Variants in MAGI1 observed in about 807,000 individuals in gnomAD.
MAGI1 encodes membrane-associated guanylate kinase, WW and PDZ domain-containing protein 1.
A neutral mutation model predicts 139.9 loss-of-function variants in MAGI1; 58 were observed. The observed-to-expected ratio is 0.41, with a 90% confidence interval of 0.34 to 0.52. MAGI1 has a LOEUF of 0.52. MAGI1 is among the 20% of genes least tolerant of loss of function. The probability of loss-of-function intolerance (pLI) is 0.12; values close to 1 mark genes in which losing one functional copy is unlikely to be tolerated. For synonymous variants in MAGI1, 812 were observed against 737.9 expected, an observed-to-expected ratio of 1.10 and a Z score of -1.63; for missense variants, 1,874 against 1,901.6, an observed-to-expected ratio of 0.99 and a Z score of 0.27.
At chr3:65,559,189 T>C (rs1248888541) in intron 2 of MAGI1, among the ~76,000 whole-genome samples, 2 of 152,242 alleles carry the variant, frequency 1.3e-5, no homozygotes, top group Non-Finnish European at 2.9e-5. Flanking sequence ...AAGCTGAGCA[T>C]CTAAGGAAAA....
chr3:65,431,513 A>G (rs1309151427), intron 10 of MAGI1, among the ~76,000 whole-genome samples: 1 of 152,188 alleles, frequency 6.6e-6, no homozygotes, highest in African/African-American at 2.4e-5. Flanking sequence ...TTTGTGATAT[A>G]GCCAACGCAT....
At chr3:65,950,944 T>C (rs1057469674) in intron 1 of MAGI1, among the ~76,000 whole-genome samples, 3 of 129,528 alleles carry the variant, frequency 2.3e-5, no homozygotes, top group Non-Finnish European at 4.6e-5. Context: ...ACAATGATAG[T>C]TGGTGAGAAG....
intron 10 of MAGI1, among the ~76,000 whole-genome samples, chr3:65,435,511 A>T (rs1015115131): frequency 1.4e-5 from 2 of 145,790 alleles, no homozygotes; most frequent in Middle Eastern, 3.3e-3. Flanking sequence ...TGGAAGATGG[A>T]TGGATACTGT....
chr3:65,750,815 G>A (rs1160143789), intron 1 of MAGI1, among the ~76,000 whole-genome samples: 2 of 152,168 alleles, frequency 1.3e-5, no homozygotes, highest in Admixed American at 1.3e-4. Flanking sequence ...TTGTAGGAAG[G>A]GCTCTTACAT....
In MAGI1 at chr3:66,017,580, G is replaced by T. The variant is rs115620655; in HGVS notation, c.313+20416C>A. The stretch of plus-strand genomic sequence containing the variant: ...CCTAATCTGCTGTCACCTAATCTCA[G>T]ACAAGTAACAACTTCCAAGGCTCAG... On this transcript the variant is annotated intron_variant, in intron 1 of 22. Transcript: ENST00000402939. Among the ~76,000 whole-genome samples, 881 of 152,316 alleles carry T rather than the reference G, an allele frequency of 5.8e-3. 8 individuals are homozygous for T. The highest frequency in any genetic ancestry group is 0.019 in the African/African-American group (800 of 41,566).
At position 65,823,173 on chromosome 3, in the gene MAGI1, G is replaced by C. The variant is rs115162644; in HGVS notation, c.314-201085C>G. On this transcript the variant is annotated intron_variant, in intron 1 of 22. Coordinates refer to ENST00000402939, the MANE Select transcript of MAGI1 (RefSeq NM_001033057.2). ...AATATTGAAATATATATCATATAAA[G>C]TGATTTGACATCTAAAAATTATTTC... Among the ~76,000 whole-genome samples the C allele has an allele frequency of 8.9e-3, 1,356 of 152,202 alleles. 23 individuals carry two copies. Among genetic ancestry groups the C allele is most frequent in the African/African-American group, 0.031 (1,275 of 41,522 alleles).
chr3:65,926,327 T>TTCTCTCTCTCTCTCTCTCTCTC (rs377665681), intron 1 of MAGI1, among the ~76,000 whole-genome samples: 36 of 115,656 alleles, frequency 3.1e-4, no homozygotes, highest in East Asian at 1.2e-3. Context: ...AAGTCTTCTT[T>TTCTCTCTCTCTCTCTCTCTCTC]TCTCTCTCTC....
At chr3:65,950,106 A>AAAAAAAAAAAAAAAAAAAC (rs796698272) in intron 1 of MAGI1, among the ~76,000 whole-genome samples, 3 of 84,206 alleles carry the variant, frequency 3.6e-5, no homozygotes, top group Admixed American at 1.7e-4. Context: ...AAAAAAAAAA[A>AAAAAAAAAAAAAAAAAAAC]CAGAACTAGC....
intron 2 of MAGI1, among the ~76,000 whole-genome samples, chr3:65,605,597 G>T (rs1286785949): frequency 6.6e-6 from 1 of 152,136 alleles, no homozygotes; most frequent in Non-Finnish European, 1.5e-5. Context: ...AGGCCAACCA[G>T]ACCCTTCTAG....
intron 1 of MAGI1, among the ~76,000 whole-genome samples, chr3:65,629,547 T>G (rs1412567373): frequency 7.5e-6 from 1 of 133,292 alleles, no homozygotes; most frequent in African/African-American, 3.0e-5. Flanking sequence ...TGTACTGCAG[T>G]GGTGCTATTA....
intron 1 of MAGI1, among the ~76,000 whole-genome samples, chr3:65,949,967 T>G (rs1327602837): frequency 6.8e-6 from 1 of 147,926 alleles, no homozygotes; most frequent in Non-Finnish European, 1.5e-5. Flanking sequence ...GAGGATGACT[T>G]GAGCCCAGGA....
chr3:65,713,428 G>C (rs9832116), intron 1 of MAGI1, among the ~76,000 whole-genome samples: 62,997 of 151,926 alleles, frequency 0.41, 13,548 homozygotes, highest in African/African-American at 0.5. Context: ...CAAGCTGCAA[G>C]AGAGATTTTT....
At chr3:66,006,443 A>G (rs554659577) in intron 1 of MAGI1, among the ~76,000 whole-genome samples, 1 of 152,334 alleles carries the variant, frequency 6.6e-6, no homozygotes, top group South Asian at 2.1e-4. Flanking sequence ...ACATATAGGT[A>G]TACATGTATA....
intron 5 of MAGI1, among the ~76,000 whole-genome samples, chr3:65,464,222 T>C (rs755532598): frequency 7.2e-5 from 11 of 152,168 alleles, no homozygotes; most frequent in Non-Finnish European, 1.3e-4. Context: ...TTTTTATCTA[T>C]TGTTTTTCAG....
chr3:65,591,922 C>T (rs544045827), intron 2 of MAGI1, among the ~76,000 whole-genome samples: 1 of 152,258 alleles, frequency 6.6e-6, no homozygotes, highest in East Asian at 1.9e-4. Flanking sequence ...TTAAAAACTG[C>T]AACATGCCCA....
chr3:65,536,667 CA>C (rs1349075825), intron 2 of MAGI1, among the ~76,000 whole-genome samples: 5 of 152,140 alleles, frequency 3.3e-5, no homozygotes, highest in Non-Finnish European at 7.3e-5. Context: ...ATTCTCTAGT[CA>C]AAGTGTTCAG....
chr3:65,898,344 C>T (rs1056501174), intron 1 of MAGI1, among the ~76,000 whole-genome samples: 1 of 152,082 alleles, frequency 6.6e-6, no homozygotes, highest in African/African-American at 2.4e-5. Flanking sequence ...CACTATTTTA[C>T]AAAACCCTAG....
intron 1 of MAGI1, among the ~76,000 whole-genome samples, chr3:65,782,351 T>A (rs111892233): frequency 3.3e-5 from 5 of 152,040 alleles, no homozygotes; most frequent in African/African-American, 1.2e-4. Context: ...TGTCCTTAGG[T>A]TGGAAAAGTC....
intron 1 of MAGI1, among the ~76,000 whole-genome samples, chr3:65,972,583 A>G (rs577851499): frequency 2.2e-4 from 33 of 152,298 alleles, no homozygotes; most frequent in African/African-American, 6.5e-4. Flanking sequence ...TGCAGTTTCT[A>G]TTCAGTCCAA....
Sources: gnomAD v4.1 joint callset for allele counts (sites outside exome capture counted in the v4.1 genomes callset) on GRCh38, gnomAD v4.1.1 for gene constraint, MANE v1.5 for transcripts, NCBI Gene and HGNC (gene_info 2026-07-23, HGNC 2026-07-21) for gene names.